Variants in ZNF160 observed in about 807,000 individuals in gnomAD.
ZNF160 encodes the protein KRAB zinc finger protein KR18.
ZNF160 carries 9 observed loss-of-function variants against 13.1 expected under a neutral mutation model. The ratio of observed to expected loss-of-function variants is 0.69; its 90% CI spans 0.41 to 1.20. ZNF160 has a LOEUF of 1.20. Among genes scored for constraint, ZNF160 ranks in the 50% most tolerant of loss-of-function variants. The pLI is 0.01. For synonymous variants in ZNF160, 293 were observed against 333.2 expected, an observed-to-expected ratio of 0.88 and a Z score of 1.31; for missense variants, 838 against 988.0, an observed-to-expected ratio of 0.85 and a Z score of 2.04.
chr19:53,092,907 T>G (rs2085088459), intron 1 of ZNF160, among the ~76,000 whole-genome samples: 1 of 152,302 alleles, frequency 6.6e-6, no homozygotes, highest in South Asian at 2.1e-4. Flanking sequence ...GGTAGACTGC[T>G]CTGTGTTACG....
Position 53,075,132 on chromosome 19 carries a change from T to C in ZNF160, c.67A>G (p.Lys23Glu), listed in dbSNP as rs2084338016. ...VAIEFSQEEWKCLDPAQRILY... is the reference protein window; with the variant it reads ...VAIEFSQEEWECLDPAQRILY... ...ATCCTCTGAGCAGGGTCCAGGCATT[T>C]CCACTCCTCCTGAGAGAATTCTATG... The change falls in exon 4 of 6, where the codon AAA becomes GAA. Residue 23 changes from lysine (K) to glutamate (E), a missense_variant. Physicochemically the swap from Lys to Glu is moderately conservative, Grantham distance 56 (BLOSUM62 1). Transcript: ENST00000683776. The C allele has an allele frequency of 6.2e-7, 1 of 1,614,192 alleles. No homozygotes were observed. The highest frequency in any genetic ancestry group is 8.5e-7 in the Non-Finnish European group (1 of 1,180,018).
chr19:53,070,384 A>G, intron 5 of ZNF160, 122 bp from the exon 6 acceptor site: 1 of 1,034,738 alleles, frequency 9.7e-7, no homozygotes, highest in Non-Finnish European at 1.3e-6. Flanking sequence ...GAACTTCAGA[A>G]CTGTGAATTT....
intron 1 of ZNF160, chr19:53,093,575 C>T (rs1044315660): frequency 6.6e-5 from 10 of 152,082 alleles, no homozygotes; most frequent in Admixed American, 3.3e-4. Flanking sequence ...TGAACTTGCC[C>T]TGGTACCTTG....
intron 3 of ZNF160, among the ~76,000 whole-genome samples, chr19:53,080,533 CTA>C (rs2145706048): frequency 6.6e-6 from 1 of 151,488 alleles, no homozygotes; most frequent in South Asian, 2.1e-4. Flanking sequence ...TGAACTATCT[CTA>C]TGAGGAGAAC....
rs1322839162 is a variant in ZNF160, at chr19:53,068,152, A to T, written c.2382T>A (p.Cys794Ter). Residue 794 changes from cysteine (C) to a stop codon, truncating the protein, a stop_gained, in exon 6 of 6, where the codon TGT (cysteine) becomes TGA (stop). Transcript: ENST00000683776. LOFTEE classifies it low-confidence loss of function (END_TRUNC). ...TGEKRYKCNE[C>*]GKVFRQSSNL... ...TTGAACTCTGCCTGAAGACCTTGCC[A>T]CACTCATTACATTTGTAACGCTTTT... The T allele has an allele frequency of 6.2e-7, 1 of 1,614,040 alleles. No individual in the cohort carries two copies. Among genetic ancestry groups the T allele is most frequent in the Non-Finnish European group, 8.5e-7 (1 of 1,180,008 alleles).
At chr19:53,079,480 G>A (rs1339987544) in intron 3 of ZNF160, among the ~76,000 whole-genome samples, 2 of 150,996 alleles carry the variant, frequency 1.3e-5, no homozygotes, top group Non-Finnish European at 2.9e-5. Flanking sequence ...AACCCGAGAG[G>A]CGGAGGTTGC....
At chr19:53,073,225 T>C (rs1381305000) in intron 5 of ZNF160, 2 of 1,447,948 alleles carry the variant, frequency 1.4e-6, no homozygotes, top group Non-Finnish European at 1.8e-6. Flanking sequence ...CATGCAGTAC[T>C]TGTATTTCTG....
At chr19:53,100,854 G>C (rs544469160) in intron 1 of ZNF160, among the ~76,000 whole-genome samples, 10 of 147,438 alleles carry the variant, frequency 6.8e-5, no homozygotes, top group African/African-American at 2.3e-4. Context: ...GTGGTGGCAG[G>C]TGCCTGTAAT....
intron 3 of ZNF160, among the ~76,000 whole-genome samples, chr19:53,077,565 G>C (rs964629373): frequency 6.6e-6 from 1 of 151,286 alleles, no homozygotes; most frequent in Non-Finnish European, 1.5e-5. Flanking sequence ...AGCTACTCAG[G>C]AGGCTGAGAC....
At position 53,084,426 on chromosome 19, in the gene ZNF160, T is replaced by C. The variant is rs1020646234; in HGVS notation, c.15+1836A>G. On this transcript the variant is annotated intron_variant, in intron 3 of 5. Transcript: ENST00000683776. ...ACTGTCTTTCTACCAGACCTTGCTCTTGTTAACTGGACTCTGCAAGCAGCG... is the reference window on the plus strand; with the variant it reads ...ACTGTCTTTCTACCAGACCTTGCTCCTGTTAACTGGACTCTGCAAGCAGCG... Among the ~76,000 whole-genome samples, 3 of 152,224 alleles carry C rather than the reference T, an allele frequency of 2.0e-5. No homozygotes were observed. The East Asian group carries it at 5.8e-4, about 29-fold the overall frequency.
chr19:53,098,732 G>A (rs1026217436), intron 1 of ZNF160, among the ~76,000 whole-genome samples: 6 of 151,460 alleles, frequency 4.0e-5, no homozygotes, highest in Admixed American at 1.3e-4. Flanking sequence ...CCCTGACTGC[G>A]AGCGCATCAC....
rs1263271967 is a variant in ZNF160, at chr19:53,066,787, T to G, written c.*1290A>C. On this transcript the variant is annotated 3_prime_UTR_variant, in exon 6 of 6. Coordinates refer to ENST00000683776, the MANE Select transcript of ZNF160 (RefSeq NM_001322131.2). ...TGACAACTACTCTCTCTTCAGTTTT[T>G]CTTTTTCTTCTTTAGATGGAGTTTT... 1.3e-5 allele frequency: 2 copies of G among 152,080 alleles called. No individual in the cohort carries two copies. Among genetic ancestry groups the G allele is most frequent in the African/African-American group, 4.8e-5 (2 of 41,452 alleles). The allele number at this position is 152,080 out of a possible 1,614,324, so 9.4% of individuals were successfully genotyped here.
intron 3 of ZNF160, among the ~76,000 whole-genome samples, chr19:53,078,334 T>C (rs774791270): frequency 4.0e-5 from 6 of 151,592 alleles, no homozygotes; most frequent in Admixed American, 2.0e-4. Flanking sequence ...CATTTGAGCC[T>C]AGGAGGTTGA....
At chr19:53,094,972 T>C (rs1202802569) in intron 1 of ZNF160, among the ~76,000 whole-genome samples, 1 of 146,790 alleles carries the variant, frequency 6.8e-6, no homozygotes, top group Non-Finnish European at 1.5e-5. Context: ...CACCCTCCCA[T>C]CCCGCCGCCC....
intron 4 of ZNF160, among the ~76,000 whole-genome samples, chr19:53,074,492 C>T (rs2084304874): frequency 6.6e-6 from 1 of 151,614 alleles, no homozygotes; most frequent in Admixed American, 6.6e-5. Flanking sequence ...ATGGTGAAAC[C>T]CTGTCTCTAC....
intron 4 of ZNF160, 85 bp downstream of exon 4, chr19:53,074,972 T>G: frequency 1.3e-6 from 2 of 1,586,536 alleles, no homozygotes; most frequent in South Asian, 2.2e-5. Flanking sequence ...AGTCAAGCAA[T>G]GCAGGGGCTC....
Position 53,093,856 on chromosome 19 carries a change from T to A in ZNF160, c.-353-2136A>T, listed in dbSNP as rs190227755. ...GTGTACTGAATGTTCCTGTCACACATAAGAGACATCATTAACTGCTAAAGG... is the reference window on the plus strand; with the variant it reads ...GTGTACTGAATGTTCCTGTCACACAAAAGAGACATCATTAACTGCTAAAGG... On this transcript the variant is annotated intron_variant, in intron 1 of 5. Coordinates refer to ENST00000683776, the MANE Select transcript of ZNF160 (RefSeq NM_001322131.2). 3.6e-3 allele frequency among the ~76,000 whole-genome samples: 544 copies of A among 152,270 alleles called. 4 individuals are homozygous for A. Among genetic ancestry groups the A allele is most frequent in the African/African-American group, 0.013 (522 of 41,562 alleles).
intron 1 of ZNF160, among the ~76,000 whole-genome samples, chr19:53,097,955 G>C (rs926301614): frequency 9.2e-5 from 14 of 152,186 alleles, no homozygotes; most frequent in African/African-American, 3.4e-4. Flanking sequence ...GCTCAGCTTA[G>C]GTCTTGGTTC....
rs2085521382 is a variant in ZNF160, at chr19:53,103,387, T to C, written c.-476A>G. On this transcript the variant is annotated 5_prime_UTR_variant, in exon 1 of 6. Coordinates refer to ENST00000683776, the MANE Select transcript of ZNF160 (RefSeq NM_001322131.2). ...ACAGAGGAACACTCATACGCCATGGTGTGATGCTTGCTCCGCACGATCCAC... is the reference window on the plus strand; with the variant it reads ...ACAGAGGAACACTCATACGCCATGGCGTGATGCTTGCTCCGCACGATCCAC... The C allele has an allele frequency of 6.6e-6, 1 of 152,084 alleles. No homozygotes were observed. Among genetic ancestry groups the C allele is most frequent in the Admixed American group, 6.6e-5 (1 of 15,264 alleles). The allele number at this position is 152,084 out of a possible 1,614,324, so 9.4% of individuals were successfully genotyped here.
Sources: allele counts gnomAD v4.1 joint callset (sites outside exome capture counted in the v4.1 genomes callset), GRCh38; gene constraint gnomAD v4.1.1; transcripts MANE v1.5; gene names NCBI Gene and HGNC (gene_info 2026-07-23, HGNC 2026-07-21).